Variants in OR10J1 observed in about 807,000 individuals in gnomAD.
OR10J1 encodes the protein olfactory receptor family 10 subfamily J member 1, also known as olfactory receptor 10J1.
For missense variants in OR10J1, 474 were observed against 376.6 expected, an observed-to-expected ratio of 1.26 and a Z score of -2.14; for synonymous variants, 202 against 143.8, an observed-to-expected ratio of 1.40 and a Z score of -2.89.
the OR10J1 span, among the ~76,000 whole-genome samples, chr1:159,430,745 CAGA>C: frequency 2.7e-5 from 4 of 150,498 alleles, no homozygotes; most frequent in African/African-American, 4.9e-5. Flanking sequence ...GGGAAGGAGA[CAGA>C]AGAAGGGAGG....
At chr1:159,409,387 A>C in the OR10J1 span, among the ~76,000 whole-genome samples, 2 of 152,100 alleles carry the variant, frequency 1.3e-5, no homozygotes, top group South Asian at 4.1e-4. Context: ...ATACTTAGGA[A>C]TAGCCTATTG....
the OR10J1 span, among the ~76,000 whole-genome samples, chr1:159,416,001 A>T: frequency 4.6e-5 from 7 of 152,116 alleles, no homozygotes; most frequent in East Asian, 1.2e-3. Flanking sequence ...ATTCATGTAT[A>T]AAAATGCCAT....
At chr1:159,436,905 T>C (rs971268964), upstream of OR10J1, among the ~76,000 whole-genome samples, 1 of 152,228 alleles carries the variant, frequency 6.6e-6, no homozygotes, top group African/African-American at 2.4e-5. Context: ...TCAGTTATTA[T>C]GATTGTCTAT....
In OR10J1 at chr1:159,440,008, T is replaced by A. The variant is rs116754841; in HGVS notation, c.217T>A (p.Tyr73Asn). Residue 73 changes from tyrosine (Y) to asparagine (N), a missense_variant, in exon 1 of 1, where the codon TAT becomes AAT. By Grantham distance (143) the Tyr-to-Asn change is moderately radical. Transcript: ENST00000423932. The part of the protein sequence containing the change: ...LSMLSTSETV[Y>N]TLVILPRMLS... ...CATGCTGTCCACTTCAGAGACTGTA[T>A]ATACATTGGTCATTCTCCCAAGAAT... The A allele has an allele frequency of 5.9e-5, 96 of 1,614,194 alleles. No homozygotes were observed. In the East Asian group the frequency reaches 1.7e-3, roughly 29 times the overall value.
the OR10J1 span, among the ~76,000 whole-genome samples, chr1:159,410,885 T>C: frequency 2.2e-4 from 33 of 149,890 alleles, no homozygotes; most frequent in East Asian, 3.9e-4. Context: ...TCCCAGAGAT[T>C]CTGGTATGTT....
the OR10J1 span, among the ~76,000 whole-genome samples, chr1:159,421,822 G>A: frequency 3.4e-3 from 512 of 152,266 alleles, 2 homozygotes; most frequent in Non-Finnish European, 5.7e-3. Context: ...CCATGGTGAC[G>A]TACGCTGGCA....
chr1:159,433,553 C>A (rs1655649345), upstream of OR10J1, among the ~76,000 whole-genome samples: 1 of 152,070 alleles, frequency 6.6e-6, no homozygotes, highest in Admixed American at 6.6e-5. Flanking sequence ...CCACCACCAC[C>A]CCTTGTCTGA....
chr1:159,417,557 G>A, the OR10J1 span, among the ~76,000 whole-genome samples: 2 of 152,174 alleles, frequency 1.3e-5, no homozygotes, highest in African/African-American at 4.8e-5. Context: ...TGTAAGACAT[G>A]CCTTTCACTT....
chr1:159,430,935 C>T, the OR10J1 span, among the ~76,000 whole-genome samples: 2 of 152,066 alleles, frequency 1.3e-5, no homozygotes, highest in Admixed American at 6.6e-5. Context: ...AGGCATCCCT[C>T]CATTTACACT....
chr1:159,440,422 G>A lies in OR10J1; in HGVS notation c.631G>A (p.Gly211Ser). The A allele has an allele frequency of 1.2e-6, 2 of 1,614,006 alleles. No individual in the cohort carries two copies. The highest frequency in any genetic ancestry group is 1.1e-5 in the South Asian group (1 of 91,068). ...TGTGCTGGTGCTTGTTGTACCTATGGGTCTGGTTTTCATTTCTTATGTTCT... is the reference window on the plus strand; with the variant it reads ...TGTGCTGGTGCTTGTTGTACCTATGAGTCTGGTTTTCATTTCTTATGTTCT... ...ISVLVLVVPM[G>S]LVFISYVLII... The change falls in exon 1 of 1, where the codon GGT (glycine) becomes AGT (serine). Residue 211 changes from glycine (G) to serine (S), a missense_variant. By Grantham distance (56) the Gly-to-Ser change is moderately conservative. Coordinates refer to ENST00000423932, the MANE Select transcript of OR10J1 (RefSeq NM_012351.3).
At chr1:159,402,485 A>AT in the OR10J1 span, among the ~76,000 whole-genome samples, 7 of 152,090 alleles carry the variant, frequency 4.6e-5, no homozygotes, top group East Asian at 5.8e-4. Flanking sequence ...TGAAAAACAA[A>AT]TTTTTTAAAA....
chr1:159,410,482 T>G, the OR10J1 span, among the ~76,000 whole-genome samples: 16 of 152,146 alleles, frequency 1.1e-4, no homozygotes, highest in Middle Eastern at 6.8e-3. Context: ...CAGTTTATTT[T>G]CGTAGAGGTG....
the OR10J1 span, among the ~76,000 whole-genome samples, chr1:159,425,171 C>T: frequency 4.6e-5 from 7 of 151,978 alleles, no homozygotes; most frequent in South Asian, 2.1e-4. Context: ...GAGAAGTGGA[C>T]GTTTCAAAAA....
At chr1:159,409,878 A>G in the OR10J1 span, among the ~76,000 whole-genome samples, 5 of 152,076 alleles carry the variant, frequency 3.3e-5, no homozygotes, top group Non-Finnish European at 5.9e-5. Context: ...TCCCATCAAT[A>G]CCTAATTTAT....
chr1:159,440,130 C>A lies in OR10J1; in HGVS notation c.339C>A (p.Phe113Leu). 6.2e-7 allele frequency: 1 copy of A among 1,614,168 alleles called. No homozygotes were observed. Among genetic ancestry groups the A allele is most frequent in the Non-Finnish European group, 8.5e-7 (1 of 1,180,024 alleles). The change falls in exon 1 of 1, where the codon TTC becomes TTA. Residue 113 changes from phenylalanine to leucine, a missense_variant. By Grantham distance (22) the Phe-to-Leu change is conservative. Coordinates refer to ENST00000423932, the MANE Select transcript of OR10J1 (RefSeq NM_012351.3). The stretch of plus-strand genomic sequence containing the variant: ...TAACCTTTGGCATCACTAACTGCTT[C>A]CTGCTCACAGCAATGGGATATGACC... Reference protein sequence around the residue: ...FFVTFGITNCFLLTAMGYDRY... With the variant: ...FFVTFGITNCLLLTAMGYDRY...
At chr1:159,415,813 T>A in the OR10J1 span, among the ~76,000 whole-genome samples, 1 of 152,064 alleles carries the variant, frequency 6.6e-6, no homozygotes, top group Non-Finnish European at 1.5e-5. Flanking sequence ...TTGTTTAATT[T>A]ATGAACGAGA....
the OR10J1 span, among the ~76,000 whole-genome samples, chr1:159,410,539 G>A: frequency 4.7e-4 from 72 of 152,108 alleles, no homozygotes; most frequent in African/African-American, 1.7e-3. Context: ...GGGATTGGTG[G>A]TGATATCCCC....
At chr1:159,404,846 C>T in the OR10J1 span, among the ~76,000 whole-genome samples, 16,725 of 152,080 alleles carry the variant, frequency 0.11, 1,154 homozygotes, top group Admixed American at 0.15. Context: ...TAATTGTTTC[C>T]CAGCCTACTC....
At chr1:159,433,269 C>A (rs1048197553), upstream of OR10J1, 2 of 396,172 alleles carry the variant, frequency 5.0e-6, no homozygotes, top group African/African-American at 2.1e-5. Flanking sequence ...AATCTATTCC[C>A]CTCATAGATT....
Sources: gnomAD v4.1 joint callset for allele counts (sites outside exome capture counted in the v4.1 genomes callset) on GRCh38, gnomAD v4.1.1 for gene constraint, MANE v1.5 for transcripts, NCBI Gene and HGNC (gene_info 2026-07-23, HGNC 2026-07-21) for gene names.